STK32B: variants seen among roughly 807,000 people sequenced by gnomAD.
The protein encoded by STK32B is serine/threonine kinase 32B, also known as serine/threonine-protein kinase 32B.
In STK32B, 43 loss-of-function variants were observed where a neutral mutation model predicts 52.6. That is an observed-to-expected ratio of 0.82 (90% CI 0.64 to 1.05). The LOEUF (loss-of-function observed/expected upper bound fraction) is 1.05, where lower values mean the gene tolerates loss of function less well. Ranked by LOEUF, STK32B falls within the 50% of genes least tolerant of loss-of-function variation. STK32B has a pLI of 0.00. For missense variants in STK32B, 621 were observed against 534.6 expected, an observed-to-expected ratio of 1.16 and a Z score of -1.59; for synonymous variants, 238 against 204.3, an observed-to-expected ratio of 1.17 and a Z score of -1.41.
intron 1 of STK32B, among the ~76,000 whole-genome samples, chr4:5,063,339 A>G (rs62291621): frequency 0.19 from 29,197 of 151,864 alleles, 3,335 homozygotes; most frequent in East Asian, 0.4. Flanking sequence ...TACCCCAAAG[A>G]TTATCTTTCT....
At chr4:5,274,872 A>C (rs1057406530) in intron 3 of STK32B, among the ~76,000 whole-genome samples, 1 of 152,106 alleles carries the variant, frequency 6.6e-6, no homozygotes, top group African/African-American at 2.4e-5. Flanking sequence ...GGTGTCCGCT[A>C]TGCTCCTGAT....
At chr4:5,317,889 C>T (rs1017361548) in intron 3 of STK32B, among the ~76,000 whole-genome samples, 4 of 151,914 alleles carry the variant, frequency 2.6e-5, no homozygotes, top group African/African-American at 7.3e-5. Flanking sequence ...GTGCTGTCCC[C>T]ATACCAACAG....
At chr4:5,304,304 C>T (rs986482257) in intron 3 of STK32B, among the ~76,000 whole-genome samples, 8 of 152,088 alleles carry the variant, frequency 5.3e-5, no homozygotes, top group Non-Finnish European at 1.0e-4. Flanking sequence ...TTATACCCAT[C>T]TATGAGCATG....
intron 1 of STK32B, among the ~76,000 whole-genome samples, chr4:5,114,630 C>T (rs1407703011): frequency 1.3e-5 from 2 of 152,210 alleles, no homozygotes; most frequent in Non-Finnish European, 2.9e-5. Context: ...TAAAGGGAGT[C>T]TCGAGTAGAG....
chr4:5,107,532 C>T (rs1714172459), intron 1 of STK32B, among the ~76,000 whole-genome samples: 3 of 152,094 alleles, frequency 2.0e-5, no homozygotes, highest in Admixed American at 2.0e-4. Context: ...GGTAAAATCC[C>T]TCATCAACTT....
chr4:5,068,092 G>T (rs1711536069), intron 1 of STK32B, among the ~76,000 whole-genome samples: 1 of 151,950 alleles, frequency 6.6e-6, no homozygotes, highest in African/African-American at 2.4e-5. Flanking sequence ...ACTTTCAATG[G>T]CAAAAACCGC....
At chr4:5,431,636 T>C (rs1315076389) in intron 6 of STK32B, among the ~76,000 whole-genome samples, 1 of 152,196 alleles carries the variant, frequency 6.6e-6, no homozygotes. Flanking sequence ...AATTAAACAT[T>C]GTTTCCTCTC....
chr4:5,472,948 A>C (rs1218305814), intron 11 of STK32B, among the ~76,000 whole-genome samples: 1 of 152,056 alleles, frequency 6.6e-6, no homozygotes, highest in Non-Finnish European at 1.5e-5. Context: ...CCCTCTACCT[A>C]CTAGATACCA....
intron 1 of STK32B, among the ~76,000 whole-genome samples, chr4:5,123,607 G>A (rs1412645525): frequency 3.3e-5 from 5 of 152,094 alleles, no homozygotes; most frequent in Non-Finnish European, 4.4e-5. Flanking sequence ...GGCTTTATAC[G>A]GCCACCTTCC....
intron 2 of STK32B, among the ~76,000 whole-genome samples, chr4:5,167,329 T>G (rs993340301): frequency 2.6e-5 from 4 of 152,200 alleles, no homozygotes; most frequent in African/African-American, 9.6e-5. Flanking sequence ...AGCTCCCTCA[T>G]GCTTTATCCA....
the STK32B span, among the ~76,000 whole-genome samples, chr4:5,037,514 C>G: frequency 6.6e-6 from 1 of 152,150 alleles, no homozygotes; most frequent in African/African-American, 2.4e-5. Flanking sequence ...TCTTCTGGTT[C>G]CCTAGCTGGA....
At chr4:5,240,029 T>TC (rs997980521) in intron 3 of STK32B, among the ~76,000 whole-genome samples, 1 of 150,708 alleles carries the variant, frequency 6.6e-6, no homozygotes, top group African/African-American at 2.5e-5. Context: ...TCCCTTTTTT[T>TC]CTCTTTCCCC....
At chr4:5,371,542 T>C (rs1221442705) in intron 4 of STK32B, among the ~76,000 whole-genome samples, 6 of 152,176 alleles carry the variant, frequency 3.9e-5, no homozygotes, top group Non-Finnish European at 8.8e-5. Flanking sequence ...TCTTGTCTTA[T>C]TTCCCTCGCG....
chr4:5,145,084 A>G (rs1490097663), intron 2 of STK32B, among the ~76,000 whole-genome samples: 1 of 152,208 alleles, frequency 6.6e-6, no homozygotes, highest in African/African-American at 2.4e-5. Context: ...TGTCAAGGGC[A>G]GGGTTGACTG....
chr4:5,314,383 A>C (rs562796922), intron 3 of STK32B, among the ~76,000 whole-genome samples: 12 of 152,264 alleles, frequency 7.9e-5, no homozygotes, highest in South Asian at 2.1e-4. Context: ...ATTTTTAAAA[A>C]ACTCAGCTGG....
At position 5,172,929 on chromosome 4, in the gene STK32B, C is replaced by T. The variant is rs183548466; in HGVS notation, c.260+4479C>T. 1.2e-4 allele frequency among the ~76,000 whole-genome samples: 19 copies of T among 152,246 alleles called. No homozygotes were observed. The East Asian group carries it at 3.1e-3, about 25-fold the overall frequency. On this transcript the variant is annotated intron_variant, in intron 3 of 11. Coordinates refer to ENST00000282908, the MANE Select transcript of STK32B (RefSeq NM_018401.3). ...CTCTAGTAGAATTCGGCTGTGAATC[C>T]GTCTGGTCCTGGAATTTTTTTAGTT...
chr4:5,047,187 A>G (rs563744599), upstream of STK32B, among the ~76,000 whole-genome samples: 5 of 152,214 alleles, frequency 3.3e-5, no homozygotes, highest in Admixed American at 2.0e-4. Flanking sequence ...TGTCCTTTGC[A>G]GGGACATGGA....
intron 4 of STK32B, among the ~76,000 whole-genome samples, chr4:5,356,784 G>T (rs941787889): frequency 6.6e-6 from 1 of 152,134 alleles, no homozygotes; most frequent in African/African-American, 2.4e-5. Flanking sequence ...ATCACCTGGG[G>T]TCAGGAGTTC....
At chr4:5,405,746 A>C (rs187375550) in intron 5 of STK32B, among the ~76,000 whole-genome samples, 2 of 152,252 alleles carry the variant, frequency 1.3e-5, no homozygotes, top group Admixed American at 6.5e-5. Flanking sequence ...CATTATTATG[A>C]GAACAGCAAA....
Sources: gnomAD v4.1 joint callset for allele counts (sites outside exome capture counted in the v4.1 genomes callset) on GRCh38, gnomAD v4.1.1 for gene constraint, MANE v1.5 for transcripts, NCBI Gene and HGNC (gene_info 2026-07-23, HGNC 2026-07-21) for gene names.